FOSL2: variants seen among roughly 807,000 people sequenced by gnomAD.
FOSL2 encodes the protein fos-related antigen 2.
A neutral mutation model predicts 27.7 loss-of-function variants in FOSL2; 3 were observed. The observed-to-expected ratio is 0.11, with a 90% CI of 0.05 to 0.28. FOSL2 has a LOEUF of 0.28. FOSL2 is among the 10% of genes least tolerant of loss of function. The probability of loss-of-function intolerance (pLI) is 1.00; values close to 1 mark genes in which losing one functional copy is unlikely to be tolerated. For synonymous variants in FOSL2, 179 were observed against 190.1 expected (o/e 0.94, Z 0.48); for missense variants, 333 against 445.1 (o/e 0.75, Z 2.27).
Position 28,396,809 on chromosome 2 carries a change from C to CACACACACACACAA in FOSL2, c.102+3000_102+3001insAACACACACACACA, listed in dbSNP as rs1553376547. 132 of 150,514 alleles carry CACACACACACACAA rather than the reference C, an allele frequency of 8.8e-4. 1 individual carries two copies. Among genetic ancestry groups the CACACACACACACAA allele is most frequent in the African/African-American group, 3.1e-3 (126 of 40,672 alleles). The allele number at this position is 150,514 out of a possible 1,614,324, so 9.3% of individuals were successfully genotyped here. A position where few individuals can be genotyped will look rare whatever the true frequency, so the allele number is the denominator to read the frequency against. On this transcript the variant is annotated intron_variant, in intron 1 of 3. Coordinates refer to ENST00000264716, the MANE Select transcript of FOSL2 (RefSeq NM_005253.4). ...CCCAAGACACACACACACACACACA[C>CACACACACACACAA]ACACACACACACACACACACACACA... is the stretch of plus-strand genomic sequence containing the variant.
In FOSL2 at chr2:28,412,271, C is replaced by G; in HGVS notation, c.804C>G (p.Thr268=). 1 of 1,614,104 alleles carries G rather than the reference C, an allele frequency of 6.2e-7. No individual in the cohort carries two copies. The highest frequency in any genetic ancestry group is 1.3e-5 in the African/African-American group (1 of 75,034). ...EEPLHTPIVV[T]STPAVTPGTS... ...CCCTGCACACCCCCATCGTGGTGAC[C>G]TCCACACCTGCTGTCACTCCGGGCA... Residue 268 remains threonine, a synonymous_variant, in exon 4 of 4, where the codon ACC becomes ACG. Coordinates refer to ENST00000264716, the MANE Select transcript of FOSL2 (RefSeq NM_005253.4). This position sits in a 1 kb window ranked among gnomAD's most constrained non-coding sequence, Gnocchi z 7.1.
rs541218781 is a variant in FOSL2, at chr2:28,404,802, C to G, written c.354+444C>G. Among the ~76,000 whole-genome samples, 1 of 152,300 alleles carries G rather than the reference C, an allele frequency of 6.6e-6. No homozygotes were observed. Among genetic ancestry groups the G allele is most frequent in the East Asian group, 1.9e-4 (1 of 5,180 alleles). On this transcript the variant is annotated intron_variant, in intron 2 of 3. Coordinates refer to ENST00000264716, the MANE Select transcript of FOSL2 (RefSeq NM_005253.4). The surrounding 1 kb of genome is among the most constrained non-coding windows in gnomAD (Gnocchi z 4.7). Reference sequence around the variant, plus strand: ...AGTGCAGGCCAGGCACCCAGCAGACCTACGGGGTCAAGCTCTGGGTCGGTA... The same window carrying G: ...AGTGCAGGCCAGGCACCCAGCAGACGTACGGGGTCAAGCTCTGGGTCGGTA...
Position 28,392,981 on chromosome 2 carries a change from G to A in FOSL2, c.-740G>A. ...GAGAGAGAGAGGGAGAGGCGCGGCC[G>A]GGCGAGGCGGGCCCGTCCGGGAGCG... On this transcript the variant is annotated 5_prime_UTR_variant, in exon 1 of 4. Transcript: ENST00000264716. 1.5e-6 allele frequency: 1 copy of A among 666,592 alleles called. No homozygotes were observed. Among genetic ancestry groups the A allele is most frequent in the South Asian group, 1.6e-5 (1 of 64,222 alleles). 41.3% of individuals were successfully genotyped at this position (666,592 alleles called of 1,614,324 possible). A position where few individuals can be genotyped will look rare whatever the true frequency, so the allele number is the denominator to read the frequency against.
chr2:28,395,963 C>T lies in FOSL2; in HGVS notation c.102+2141C>T, dbSNP rs553746637. Among the ~76,000 whole-genome samples, 5 of 152,252 alleles carry T rather than the reference C, an allele frequency of 3.3e-5. No individual in the cohort carries two copies. The East Asian group carries it at 7.7e-4, about 24-fold the overall frequency. On this transcript the variant is annotated intron_variant, in intron 1 of 3. Transcript: ENST00000264716. ...TCACAAGTCTATGCTATGACCTTGC[C>T]CGATCTTGGGCTCAAGGTAACTTTA...
At position 28,408,109 on chromosome 2, in the gene FOSL2, A is replaced by C. The variant is rs1228793914; in HGVS notation, c.355-650A>C. Among the ~76,000 whole-genome samples, 2 of 152,154 alleles carry C rather than the reference A, an allele frequency of 1.3e-5. No homozygotes were observed. The highest frequency in any genetic ancestry group is 2.9e-5 in the Non-Finnish European group (2 of 68,032). On this transcript the variant is annotated intron_variant, in intron 2 of 3. Coordinates refer to ENST00000264716, the MANE Select transcript of FOSL2 (RefSeq NM_005253.4). The surrounding 1 kb of genome is among the most constrained non-coding windows in gnomAD (Gnocchi z 4.1). ...CATGTCCTGTCCAACTTAGCACTGT[A>C]CCAGGCATGTGGGGGAGTACCTGGG...
intron 2 of FOSL2, among the ~76,000 whole-genome samples, chr2:28,406,636 C>G (rs891990753): frequency 6.6e-6 from 1 of 152,146 alleles, no homozygotes; most frequent in Non-Finnish European, 1.5e-5. Flanking sequence ...AGTTTCCTTC[C>G]TTTTTTGAGA....
chr2:28,409,138 G>A (rs571225523), intron 3 of FOSL2, among the ~76,000 whole-genome samples: 1 of 152,260 alleles, frequency 6.6e-6, no homozygotes, highest in South Asian at 2.1e-4. Flanking sequence ...CGGTTTTTAC[G>A]CAGCACCTGA....
At chr2:28,401,214 C>T (rs1663964684) in intron 1 of FOSL2, among the ~76,000 whole-genome samples, 1 of 148,536 alleles carries the variant, frequency 6.7e-6, no homozygotes. Context: ...ACCCTGGCTG[C>T]ACAACAGACT....
chr2:28,407,984 T>C (rs1664118765), intron 2 of FOSL2, among the ~76,000 whole-genome samples: 1 of 152,350 alleles, frequency 6.6e-6, no homozygotes, highest in Admixed American at 6.5e-5. Context: ...CCCAAGCCCG[T>C]AGAACTTCAT....
At chr2:28,403,226 T>C (rs1664009977) in intron 1 of FOSL2, among the ~76,000 whole-genome samples, 1 of 152,208 alleles carries the variant, frequency 6.6e-6, no homozygotes, top group South Asian at 2.1e-4. Flanking sequence ...CAGCCCATTT[T>C]AGTTTCTATA....
chr2:28,408,875 C>T lies in FOSL2; in HGVS notation c.462+9C>T. 6.3e-7 allele frequency: 1 copy of T among 1,593,016 alleles called. No individual in the cohort carries two copies. Among genetic ancestry groups the T allele is most frequent in the Non-Finnish European group, 8.6e-7 (1 of 1,168,442 alleles). ...CAGAGAAGCTGCAGGCGGTGAGGAA[C>T]TCTGCGTAGGGTGGGAGCACCTCTG... On this transcript the variant is annotated intron_variant, in intron 3 of 3. Coordinates refer to ENST00000264716, the MANE Select transcript of FOSL2 (RefSeq NM_005253.4). This position sits in a 1 kb window ranked among gnomAD's most constrained non-coding sequence, Gnocchi z 4.1.
chr2:28,405,071 G>C (rs906298854), intron 2 of FOSL2, among the ~76,000 whole-genome samples: 7 of 152,168 alleles, frequency 4.6e-5, no homozygotes, highest in African/African-American at 1.7e-4. Context: ...AATGGGGAAG[G>C]GGGGGCTCTG....
chr2:28,404,052 A>T lies in FOSL2; in HGVS notation c.103-55A>T. On this transcript the variant is annotated intron_variant, in intron 1 of 3. Coordinates refer to ENST00000264716, the MANE Select transcript of FOSL2 (RefSeq NM_005253.4). This position sits in a 1 kb window ranked among gnomAD's most constrained non-coding sequence, Gnocchi z 4.7. ...CAGCTCTGTTCAATTATTATTAACT[A>T]TCCTGTTCAGCTTAGTATTTATTGG... The T allele has an allele frequency of 6.3e-7, 1 of 1,598,548 alleles. No individual in the cohort carries two copies.
Position 28,412,013 on chromosome 2 carries a change from C to G in FOSL2, c.546C>G (p.Phe182Leu). The change falls in exon 4 of 4, where the codon TTC becomes TTG. Residue 182 changes from phenylalanine (F) to leucine (L), a missense_variant. This residue lies in a region of FOSL2 where 40 missense variants were observed against 104.2 expected (regional missense o/e 0.38). Coordinates refer to ENST00000264716, the MANE Select transcript of FOSL2 (RefSeq NM_005253.4). The surrounding 1 kb of genome is among the most constrained non-coding windows in gnomAD (Gnocchi z 7.1). ...AGAAGGAGAAGGAGAAGCTGGAGTT[C>G]ATGTTGGTGGCTCACGGCCCAGTGT... Reference protein sequence around the residue: ...ELQKEKEKLEFMLVAHGPVCK... With the variant: ...ELQKEKEKLELMLVAHGPVCK... 6.2e-7 allele frequency: 1 copy of G among 1,613,188 alleles called. No homozygotes were observed. Among genetic ancestry groups the G allele is most frequent in the Non-Finnish European group, 8.5e-7 (1 of 1,180,010 alleles).
At position 28,414,566 on chromosome 2, in the gene FOSL2, C is replaced by T. The variant is rs1359733730; in HGVS notation, c.*2118C>T. The T allele has an allele frequency of 6.6e-6, 1 of 152,130 alleles. No homozygotes were observed. The highest frequency in any genetic ancestry group is 1.5e-5 in the Non-Finnish European group (1 of 68,028). 9.4% of individuals were successfully genotyped at this position (152,130 alleles called of 1,614,324 possible). ...AGAAAACTGGGGTGCACTCAGCTCT[C>T]ACAGGGGTAATCATCTCAAGTGGTA... is the stretch of plus-strand genomic sequence containing the variant. On this transcript the variant is annotated 3_prime_UTR_variant, in exon 4 of 4. Transcript: ENST00000264716.
intron 1 of FOSL2, among the ~76,000 whole-genome samples, chr2:28,401,433 G>A (rs540818337): frequency 6.6e-6 from 1 of 152,260 alleles, no homozygotes; most frequent in East Asian, 1.9e-4. Context: ...TCATGGCAGT[G>A]CAGTGAGTTT....
In FOSL2 at chr2:28,408,700, A is replaced by G; in HGVS notation, c.355-59A>G. ...TTGCCTTACTTAAAATACAGTTTTT[A>G]AAAAATACTGTGAACCATTGTCTCT... is the stretch of plus-strand genomic sequence containing the variant. On this transcript the variant is annotated intron_variant, in intron 2 of 3. Transcript: ENST00000264716. This position sits in a 1 kb window ranked among gnomAD's most constrained non-coding sequence, Gnocchi z 4.1. The G allele has an allele frequency of 7.9e-7, 1 of 1,272,406 alleles. No homozygotes were observed. Among genetic ancestry groups the G allele is most frequent in the Non-Finnish European group, 1.1e-6 (1 of 923,264 alleles). The allele number at this position is 1,272,406 out of a possible 1,614,324, so 78.8% of individuals were successfully genotyped here.
rs1040319742 is a variant in FOSL2, at chr2:28,413,593, G to A, written c.*1145G>A. The A allele has an allele frequency of 3.0e-5, 12 of 398,678 alleles. No homozygotes were observed. The highest frequency in any genetic ancestry group is 2.1e-5 in the African/African-American group (1 of 48,650). The allele number at this position is 398,678 out of a possible 1,614,324, so 24.7% of individuals were successfully genotyped here. ...AGGCAGGGGAGGGAGGCGGGAGGCC[G>A]TCACTGGAGTGGCGTCTGCAGCAGC... On this transcript the variant is annotated 3_prime_UTR_variant, in exon 4 of 4. Coordinates refer to ENST00000264716, the MANE Select transcript of FOSL2 (RefSeq NM_005253.4).
chr2:28,406,358 G>A (rs1015933441), intron 2 of FOSL2, among the ~76,000 whole-genome samples: 32 of 152,056 alleles, frequency 2.1e-4, no homozygotes, highest in African/African-American at 7.2e-4. Context: ...CACCGCGCCC[G>A]GCCACGCTCT....
Sources: allele counts gnomAD v4.1 joint callset (sites outside exome capture counted in the v4.1 genomes callset), GRCh38; gene constraint gnomAD v4.1.1; regional missense constraint gnomAD v4.1.1; non-coding constraint Gnocchi (gnomAD v3.1); transcripts MANE v1.5; gene names NCBI Gene and HGNC (gene_info 2026-07-23, HGNC 2026-07-21).